The following NAV2 variants were observed in gnomAD, a reference collection of about 807,000 sequenced individuals.
NAV2 encodes the protein helicase, APC down-regulated 1.
In NAV2, 54 loss-of-function variants were observed where a neutral mutation model predicts 223.2. The ratio of observed to expected loss-of-function variants is 0.24; its 90% CI spans 0.19 to 0.30. NAV2 has a LOEUF of 0.30. Ranked by LOEUF, NAV2 falls within the 10% of genes least tolerant of loss-of-function variation. NAV2 has a pLI of 1.00. For missense variants in NAV2, 2,806 were observed against 3,147.5 expected (o/e 0.89, Z 2.60); for synonymous variants, 1,279 against 1,239.3 (o/e 1.03, Z -0.67).
intron 1 of NAV2, among the ~76,000 whole-genome samples, chr11:19,782,328 G>C (rs1483330929): frequency 6.6e-6 from 1 of 152,130 alleles, no homozygotes; most frequent in East Asian, 1.9e-4. Flanking sequence ...AATAAAGAAA[G>C]GAATATTGGG....
chr11:19,889,185 G>T (rs547032161), intron 5 of NAV2, among the ~76,000 whole-genome samples: 2 of 152,212 alleles, frequency 1.3e-5, no homozygotes, highest in African/African-American at 2.4e-5. Context: ...GAGATGTTTT[G>T]GTTCCCTCCT....
chr11:20,097,886 A>G (rs1344194952), intron 31 of NAV2, 141 bp downstream of exon 31: 5 of 696,504 alleles, frequency 7.2e-6, no homozygotes, highest in African/African-American at 1.8e-5. Flanking sequence ...CAGTTACTCT[A>G]TGCAAGTTGA....
rs1028179560 is a variant in NAV2, at chr11:19,793,223, A to G, written c.268-39261A>G. Reference sequence around the variant, plus strand: ...CTCTGTCTCAAAAAAAAAAAAAAAAAAAAAAAGAAAGAAAGAAAGAAAGAA... The same window carrying G: ...CTCTGTCTCAAAAAAAAAAAAAAAAGAAAAAAGAAAGAAAGAAAGAAAGAA... On this transcript the variant is annotated intron_variant, in intron 1 of 37. Coordinates refer to ENST00000349880, the MANE Select transcript of NAV2 (RefSeq NM_145117.5). Among the ~76,000 whole-genome samples, 3 of 145,862 alleles carry G rather than the reference A, an allele frequency of 2.1e-5. No homozygotes were observed. The Admixed American group carries it at 2.1e-4, about 10-fold the overall frequency.
intron 1 of NAV2, among the ~76,000 whole-genome samples, chr11:19,626,485 TG>T (rs1373450148): frequency 5.9e-5 from 9 of 152,360 alleles, no homozygotes; most frequent in Middle Eastern, 3.4e-3. Context: ...TTGTTCTTTT[TG>T]TTCAGGATTA....
intron 1 of NAV2, among the ~76,000 whole-genome samples, chr11:19,559,154 A>G (rs1048163772): frequency 1.3e-5 from 2 of 152,214 alleles, no homozygotes; most frequent in African/African-American, 4.8e-5. Flanking sequence ...CACCTACCAC[A>G]GGTACTTATA....
At chr11:19,708,439 G>T (rs1193879415), upstream of NAV2, among the ~76,000 whole-genome samples, 1 of 152,058 alleles carries the variant, frequency 6.6e-6, no homozygotes, top group East Asian at 1.9e-4. Flanking sequence ...TCTCCAAAAG[G>T]CTGTAGACTT....
At chr11:19,703,452 T>C (rs757829648) in intron 1 of NAV2, among the ~76,000 whole-genome samples, 12 of 152,018 alleles carry the variant, frequency 7.9e-5, no homozygotes, top group South Asian at 2.1e-4. Context: ...CGTGGGGAGG[T>C]GGGGAGCATC....
chr11:19,442,294 A>G (rs1467037793), intron 1 of NAV2, among the ~76,000 whole-genome samples: 1 of 152,186 alleles, frequency 6.6e-6, no homozygotes, highest in Non-Finnish European at 1.5e-5. Flanking sequence ...CTCCATTCCT[A>G]TTTCCCCTGC....
chr11:19,959,371 G>C (rs901868298), intron 10 of NAV2, among the ~76,000 whole-genome samples: 1 of 152,192 alleles, frequency 6.6e-6, no homozygotes, highest in Non-Finnish European at 1.5e-5. Context: ...GGTGGTGAAT[G>C]TTAACATGAA....
upstream of NAV2, among the ~76,000 whole-genome samples, chr11:19,348,099 G>A (rs1443648602): frequency 6.6e-6 from 1 of 152,192 alleles, no homozygotes; most frequent in African/African-American, 2.4e-5. Context: ...CTGCTGGTTG[G>A]GAGGTATTTC....
intron 1 of NAV2, among the ~76,000 whole-genome samples, chr11:19,393,704 A>G (rs956938760): frequency 6.6e-6 from 1 of 152,224 alleles, no homozygotes; most frequent in African/African-American, 2.4e-5. Context: ...CTAAGGAAAA[A>G]GACAATGTAA....
intron 1 of NAV2, among the ~76,000 whole-genome samples, chr11:19,533,753 CT>C (rs2134450656): frequency 8.0e-6 from 1 of 125,368 alleles, no homozygotes; most frequent in Admixed American, 7.5e-5. Context: ...GTCGCCCAGG[CT>C]GGAGTGCAGT....
At chr11:19,776,608 G>C (rs1732949070) in intron 1 of NAV2, among the ~76,000 whole-genome samples, 1 of 106,100 alleles carries the variant, frequency 9.4e-6, no homozygotes, top group African/African-American at 3.3e-5. Flanking sequence ...GTGTGTGTGT[G>C]GTTAGAGTTG....
intron 1 of NAV2, among the ~76,000 whole-genome samples, chr11:19,501,232 C>T (rs1411387904): frequency 2.0e-5 from 3 of 152,154 alleles, no homozygotes; most frequent in African/African-American, 7.2e-5. Context: ...ACAATATTCT[C>T]CCCCATCTCA....
intron 2 of NAV2, among the ~76,000 whole-genome samples, chr11:19,833,267 T>C (rs1434679960): frequency 6.6e-6 from 1 of 152,142 alleles, no homozygotes; most frequent in Admixed American, 6.5e-5. Flanking sequence ...TTGGACAGCA[T>C]TAGCCTGATT....
intron 31 of NAV2, 135 bp from the exon 32 acceptor site, chr11:20,100,802 G>A (rs1322684395): frequency 1.5e-6 from 1 of 675,894 alleles, no homozygotes; most frequent in Non-Finnish European, 2.6e-6. Flanking sequence ...AGTGTTCCTG[G>A]GTGTGCAGGA....
At chr11:20,102,657 C>T (rs1236521882) in intron 32 of NAV2, among the ~76,000 whole-genome samples, 2 of 152,156 alleles carry the variant, frequency 1.3e-5, no homozygotes, top group Non-Finnish European at 1.5e-5. Context: ...CTTATCTTGC[C>T]GTTTCAGCCT....
chr11:19,923,075 G>C (rs1020419523), intron 6 of NAV2, among the ~76,000 whole-genome samples: 4 of 152,202 alleles, frequency 2.6e-5, no homozygotes, highest in African/African-American at 9.6e-5. Flanking sequence ...ATGCATGAAA[G>C]AATCCCACAT....
chr11:19,517,945 T>G (rs1829249748), intron 1 of NAV2, among the ~76,000 whole-genome samples: 1 of 152,264 alleles, frequency 6.6e-6, no homozygotes, highest in Admixed American at 6.5e-5. Flanking sequence ...AGAAAGATAC[T>G]ATGTTTGCTG....
Sources: gnomAD v4.1 joint callset for allele counts (sites outside exome capture counted in the v4.1 genomes callset) on GRCh38, gnomAD v4.1.1 for gene constraint, MANE v1.5 for transcripts, NCBI Gene and HGNC (gene_info 2026-07-23, HGNC 2026-07-21) for gene names.